Variants in TMEM132D observed in about 807,000 individuals in gnomAD.
TMEM132D encodes the protein mature OL transmembrane protein.
TMEM132D carries 21 observed loss-of-function variants against 62.3 expected under a neutral mutation model. The ratio of observed to expected loss-of-function variants is 0.34; its 90% confidence interval spans 0.24 to 0.49. The LOEUF is 0.49. Among genes scored for constraint, TMEM132D ranks in the 20% least tolerant of loss-of-function variants. The pLI, the probability that TMEM132D is intolerant of heterozygous loss-of-function variation, is 0.99. For missense variants in TMEM132D, 1,346 were observed against 1,402.8 expected, an observed-to-expected ratio of 0.96 and a Z score of 0.65; for synonymous variants, 621 against 575.6, an observed-to-expected ratio of 1.08 and a Z score of -1.13.
At position 129,337,704 on chromosome 12, in the gene TMEM132D, G is replaced by A. The variant is rs1271494578; in HGVS notation, c.1229C>T (p.Thr410Met). Residue 410 changes from threonine (T) to methionine (M), a missense_variant, in exon 4 of 9, where the codon ACG (threonine) becomes ATG (methionine). Coordinates refer to ENST00000422113, the MANE Select transcript of TMEM132D (RefSeq NM_133448.3). Reference sequence around the variant, plus strand: ...GATCTTGGACACTCCCAAGTCAGACGTGATCTCTCCGGGGTACTCGACCTG... The same window carrying A: ...GATCTTGGACACTCCCAAGTCAGACATGATCTCTCCGGGGTACTCGACCTG... Reference protein sequence around the residue: ...TWQVEYPGEITSDLGVSKIYV... With the variant: ...TWQVEYPGEIMSDLGVSKIYV... 11 of 1,614,224 alleles carry A rather than the reference G, an allele frequency of 6.8e-6. No homozygotes were observed. The highest frequency in any genetic ancestry group is 2.2e-5 in the East Asian group (1 of 44,870).
At chr12:129,380,638 C>A (rs1372797659) in intron 3 of TMEM132D, among the ~76,000 whole-genome samples, 1 of 152,048 alleles carries the variant, frequency 6.6e-6, no homozygotes, top group Non-Finnish European at 1.5e-5. Flanking sequence ...GTGTCTCCAT[C>A]ACCACAGTCG....
chr12:129,622,714 C>G (rs955147128), intron 2 of TMEM132D, among the ~76,000 whole-genome samples: 1 of 152,222 alleles, frequency 6.6e-6, no homozygotes, highest in African/African-American at 2.4e-5. Context: ...GGACCATCCA[C>G]TTCTTTTCCA....
At position 129,829,854 on chromosome 12, in the gene TMEM132D, A is replaced by G. The variant is rs1872776058; in HGVS notation, c.79+73407T>C. Reference sequence around the variant, plus strand: ...TTCTGAGAAACCCAGAGCTTTTACCATCAATTAGAACGACTCACCCAGGTC... The same window carrying G: ...TTCTGAGAAACCCAGAGCTTTTACCGTCAATTAGAACGACTCACCCAGGTC... On this transcript the variant is annotated intron_variant, in intron 1 of 8. Transcript: ENST00000422113. Among the ~76,000 whole-genome samples, 5 of 152,320 alleles carry G rather than the reference A, an allele frequency of 3.3e-5. No homozygotes were observed. The South Asian group carries it at 1.0e-3, about 32-fold the overall frequency.
At chr12:129,872,722 C>T (rs915408853) in intron 1 of TMEM132D, among the ~76,000 whole-genome samples, 2 of 152,072 alleles carry the variant, frequency 1.3e-5, no homozygotes, top group South Asian at 2.1e-4. Context: ...TGTAATGTAC[C>T]GACGTAAGCT....
intron 2 of TMEM132D, among the ~76,000 whole-genome samples, chr12:129,627,031 T>A (rs1879237818): frequency 6.6e-6 from 1 of 152,122 alleles, no homozygotes; most frequent in Admixed American, 6.5e-5. Context: ...AGGAAGCATA[T>A]TACGTTAGTG....
intron 2 of TMEM132D, among the ~76,000 whole-genome samples, chr12:129,592,515 A>G (rs1328047930): frequency 6.6e-6 from 1 of 152,236 alleles, no homozygotes; most frequent in Non-Finnish European, 1.5e-5. Context: ...CACACATACA[A>G]TATGATATGT....
intron 3 of TMEM132D, among the ~76,000 whole-genome samples, chr12:129,357,211 C>T (rs1267417440): frequency 7.0e-6 from 1 of 143,108 alleles, no homozygotes; most frequent in African/African-American, 2.6e-5. Flanking sequence ...TGTACCACTG[C>T]ACTCCAGCCT....
chr12:129,787,787 C>A (rs550316800), intron 1 of TMEM132D, among the ~76,000 whole-genome samples: 5 of 152,186 alleles, frequency 3.3e-5, no homozygotes, highest in African/African-American at 1.2e-4. Context: ...GATGCCTCAT[C>A]ACACTTGGGG....
At chr12:129,511,159 GTT>G (rs1453163947) in intron 3 of TMEM132D, among the ~76,000 whole-genome samples, 2 of 152,112 alleles carry the variant, frequency 1.3e-5, no homozygotes, top group Non-Finnish European at 2.9e-5. Context: ...AACCCACCAA[GTT>G]CTTTTGTGCA....
chr12:129,756,425 G>A (rs1443281467), intron 1 of TMEM132D, among the ~76,000 whole-genome samples: 1 of 152,202 alleles, frequency 6.6e-6, no homozygotes, highest in African/African-American at 2.4e-5. Context: ...AAACAAGCCA[G>A]TCACGAAGGA....
chr12:129,614,159 C>A (rs1176679323), intron 2 of TMEM132D, among the ~76,000 whole-genome samples: 1 of 152,244 alleles, frequency 6.6e-6, no homozygotes, highest in Non-Finnish European at 1.5e-5. Flanking sequence ...AGGTGACTAT[C>A]TCCAGAACCC....
chr12:129,443,833 A>G (rs945934765), intron 3 of TMEM132D, among the ~76,000 whole-genome samples: 1 of 152,170 alleles, frequency 6.6e-6, no homozygotes, highest in Non-Finnish European at 1.5e-5. Context: ...TTCTTTGTCG[A>G]TAATGATTGT....
chr12:129,251,334 G>C (rs1880257763), intron 4 of TMEM132D, among the ~76,000 whole-genome samples: 1 of 135,544 alleles, frequency 7.4e-6, no homozygotes, highest in African/African-American at 2.8e-5. Flanking sequence ...ACTCCAGCCT[G>C]GCGACAGAGT....
intron 2 of TMEM132D, among the ~76,000 whole-genome samples, chr12:129,688,419 G>A (rs1275508375): frequency 6.6e-6 from 1 of 152,114 alleles, no homozygotes; most frequent in Non-Finnish European, 1.5e-5. Context: ...CAATGTTGGG[G>A]TCAGATGGTC....
chr12:129,540,963 C>T (rs1876567518), intron 2 of TMEM132D, among the ~76,000 whole-genome samples: 1 of 152,196 alleles, frequency 6.6e-6, no homozygotes, highest in Non-Finnish European at 1.5e-5. Context: ...AGTGCTCCCT[C>T]TTTTCATATA....
intron 1 of TMEM132D, among the ~76,000 whole-genome samples, chr12:129,901,580 G>A (rs1241332999): frequency 6.6e-6 from 1 of 152,006 alleles, no homozygotes; most frequent in Non-Finnish European, 1.5e-5. Flanking sequence ...GCTAATTTTT[G>A]GCCACCTAGT....
intron 1 of TMEM132D, among the ~76,000 whole-genome samples, chr12:129,754,182 C>T (rs541893227): frequency 6.6e-6 from 1 of 152,136 alleles, no homozygotes; most frequent in Non-Finnish European, 1.5e-5. Flanking sequence ...TTCTTCACCC[C>T]GCCTGACCTT....
intron 3 of TMEM132D, among the ~76,000 whole-genome samples, chr12:129,506,442 T>C (rs1875333317): frequency 6.6e-6 from 1 of 152,128 alleles, no homozygotes; most frequent in African/African-American, 2.4e-5. Context: ...GGCATCACAT[T>C]ACCCTATTTC....
At chr12:129,623,631 T>C (rs1012590425) in intron 2 of TMEM132D, among the ~76,000 whole-genome samples, 3 of 150,032 alleles carry the variant, frequency 2.0e-5, no homozygotes, top group Non-Finnish European at 4.4e-5. Flanking sequence ...TAGTATTCCA[T>C]GGTGTGTGTG....
Sources: gnomAD v4.1 joint callset for allele counts (sites outside exome capture counted in the v4.1 genomes callset) on GRCh38, gnomAD v4.1.1 for gene constraint, MANE v1.5 for transcripts, NCBI Gene and HGNC (gene_info 2026-07-23, HGNC 2026-07-21) for gene names.